Variants in CPEB1 observed in about 807,000 individuals in gnomAD.
CPEB1 encodes the protein cytoplasmic polyadenylation element binding protein 1, also known as cytoplasmic polyadenylation element-binding protein 1.
In CPEB1, 7 loss-of-function variants were observed where a neutral mutation model predicts 65.8. The ratio of observed to expected loss-of-function variants is 0.11; its 90% CI spans 0.06 to 0.20. The LOEUF is 0.20. CPEB1 is among the 10% of genes least tolerant of loss of function. The pLI, the probability that CPEB1 is intolerant of heterozygous loss-of-function variation, is 1.00. For synonymous variants in CPEB1, 262 were observed against 260.0 expected, an observed-to-expected ratio of 1.01 and a Z score of -0.08; for missense variants, 551 against 712.2, an observed-to-expected ratio of 0.77 and a Z score of 2.58.
At chr15:82,580,006 G>A (rs1001376332) in intron 3 of CPEB1, among the ~76,000 whole-genome samples, 2 of 138,534 alleles carry the variant, frequency 1.4e-5, no homozygotes, top group Non-Finnish European at 3.1e-5. Flanking sequence ...AGCGGGAGAA[G>A]TGGACTACAA....
chr15:82,619,527 T>C (rs1424247077), intron 3 of CPEB1, among the ~76,000 whole-genome samples: 2 of 152,212 alleles, frequency 1.3e-5, no homozygotes, highest in Non-Finnish European at 2.9e-5. Context: ...AAAATAATTT[T>C]AATACATATT....
At position 82,596,036 on chromosome 15, in the gene CPEB1, T is replaced by C. The variant is rs72751663; in HGVS notation, c.272-24504A>G. Among the ~76,000 whole-genome samples, 1,142 of 152,324 alleles carry C rather than the reference T, an allele frequency of 7.5e-3. 12 individuals are homozygous for C. Among genetic ancestry groups the C allele is most frequent in the Non-Finnish European group, 8.5e-3 (578 of 68,026 alleles). On this transcript the variant is annotated intron_variant, in intron 3 of 12. Transcript: ENST00000684509. ...AAAATCTGTACTGCAGATAATTCCA[T>C]AGAACACATGACCTACTTTTCTCAA... is the stretch of plus-strand genomic sequence containing the variant.
chr15:82,628,698 C>T (rs987041968), intron 1 of CPEB1, 142 bp from the exon 2 acceptor site: 25 of 479,650 alleles, frequency 5.2e-5, no homozygotes, highest in Non-Finnish European at 9.2e-5. Context: ...CCACATCCTT[C>T]CACCTTTGCC....
rs185756296 is a variant in CPEB1 at position 82,591,118 on chromosome 15, T to C, written c.272-19586A>G. Among the ~76,000 whole-genome samples the C allele has an allele frequency of 5.8e-4, 89 of 152,344 alleles. 1 individual carries two copies. The highest frequency in any genetic ancestry group is 1.6e-3 in the Admixed American group (24 of 15,294). ...CTATTTTCCACAATGGCTGAACTAA[T>C]TTACATTCCCACCAACAGTGTGTAA... is the stretch of plus-strand genomic sequence containing the variant. On this transcript the variant is annotated intron_variant, in intron 3 of 12. Coordinates refer to ENST00000684509, the MANE Select transcript of CPEB1 (RefSeq NM_001365242.1).
At position 82,581,814 on chromosome 15, in the gene CPEB1, C is replaced by T. The variant is rs562382579; in HGVS notation, c.272-10282G>A. ...ATTGCCATCCAAGTGGTCCTAAAGACAATGGCATCTTCTTGCAGCATTCTA... is the reference window on the plus strand; with the variant it reads ...ATTGCCATCCAAGTGGTCCTAAAGATAATGGCATCTTCTTGCAGCATTCTA... On this transcript the variant is annotated intron_variant, in intron 3 of 12. Coordinates refer to ENST00000684509, the MANE Select transcript of CPEB1 (RefSeq NM_001365242.1). Among the ~76,000 whole-genome samples the T allele has an allele frequency of 3.7e-4, 57 of 152,284 alleles. No individual in the cohort carries two copies. The South Asian group carries it at 9.1e-3, about 24-fold the overall frequency.
At chr15:82,575,333 G>C (rs2040534352) in intron 3 of CPEB1, among the ~76,000 whole-genome samples, 1 of 152,166 alleles carries the variant, frequency 6.6e-6, no homozygotes, top group South Asian at 2.1e-4. Flanking sequence ...AGACGTAAAA[G>C]TGAAAGCTAA....
intron 4 of CPEB1, 26 bp from the exon 5 acceptor site, chr15:82,558,012 A>G (rs775036264): frequency 2.0e-6 from 3 of 1,488,736 alleles, no homozygotes; most frequent in Non-Finnish European, 2.7e-6. Context: ...AGGAAACCTC[A>G]TGACCTCTTA....
intron 4 of CPEB1, among the ~76,000 whole-genome samples, chr15:82,564,286 T>C (rs2038746850): frequency 6.9e-6 from 1 of 145,646 alleles, no homozygotes; most frequent in South Asian, 2.1e-4. Context: ...TTTTTGTTTT[T>C]TTGTTTTGTT....
chr15:82,582,061 A>G (rs1287635416), intron 3 of CPEB1, among the ~76,000 whole-genome samples: 2 of 152,218 alleles, frequency 1.3e-5, no homozygotes, highest in African/African-American at 2.4e-5. Context: ...ACCCTTTCTC[A>G]TAACTGGCAA....
intron 4 of CPEB1, among the ~76,000 whole-genome samples, chr15:82,568,400 A>G (rs1238396256): frequency 3.3e-5 from 5 of 152,150 alleles, no homozygotes; most frequent in African/African-American, 1.2e-4. Context: ...CTGGGGTATG[A>G]GAAAAACGCA....
intron 4 of CPEB1, among the ~76,000 whole-genome samples, chr15:82,561,160 A>T (rs1006862231): frequency 2.0e-5 from 3 of 152,228 alleles, no homozygotes; most frequent in African/African-American, 7.2e-5. Flanking sequence ...GGTCCAGAGT[A>T]TGGTAGAGGT....
chr15:82,546,907 A>G (rs1352890793), intron 11 of CPEB1, among the ~76,000 whole-genome samples: 1 of 152,216 alleles, frequency 6.6e-6, no homozygotes, highest in Non-Finnish European at 1.5e-5. Context: ...TACCACAGTG[A>G]GGGAAGGCAC....
At chr15:82,567,036 A>C in intron 4 of CPEB1, among the ~76,000 whole-genome samples, 1 of 152,168 alleles carries the variant, frequency 6.6e-6, no homozygotes, top group East Asian at 1.9e-4. Flanking sequence ...CATTCATTCA[A>C]AAAATATGTA....
At chr15:82,625,327 T>C (rs1377952428) in intron 3 of CPEB1, among the ~76,000 whole-genome samples, 1 of 152,118 alleles carries the variant, frequency 6.6e-6, no homozygotes, top group African/African-American at 2.4e-5. Context: ...CTTCTCTCAT[T>C]TGCCTTCCTG....
chr15:82,632,508 C>T (rs1486198126), intron 1 of CPEB1, among the ~76,000 whole-genome samples: 2 of 147,706 alleles, frequency 1.4e-5, no homozygotes, highest in African/African-American at 5.0e-5. Flanking sequence ...TGTGTATATT[C>T]ACACACACAC....
chr15:82,616,574 T>C (rs907643397), intron 3 of CPEB1, among the ~76,000 whole-genome samples: 18 of 150,950 alleles, frequency 1.2e-4, no homozygotes, highest in Non-Finnish European at 2.2e-4. Context: ...AGTTTCGTTC[T>C]TGTCATCGCC....
Position 82,569,010 on chromosome 15 carries a change from A to G in CPEB1, c.460+2334T>C, listed in dbSNP as rs114490762. On this transcript the variant is annotated intron_variant, in intron 4 of 12. Transcript: ENST00000684509. ...AGCTTGCATCTTGGTCTCTACACAG[A>G]GACAACAGTGTAACAGGGTATCTGC... Among the ~76,000 whole-genome samples, 1,391 of 152,336 alleles carry G rather than the reference A, an allele frequency of 9.1e-3. 23 individuals are homozygous for G. The highest frequency in any genetic ancestry group is 0.031 in the African/African-American group (1,299 of 41,568).
chr15:82,607,566 G>A (rs1184145931), intron 3 of CPEB1, among the ~76,000 whole-genome samples: 1 of 152,130 alleles, frequency 6.6e-6, no homozygotes, highest in Admixed American at 6.5e-5. Flanking sequence ...CAGCCTGGAT[G>A]ACAGAGCGAG....
At chr15:82,588,424 A>G (rs1268768079) in intron 3 of CPEB1, among the ~76,000 whole-genome samples, 2 of 152,232 alleles carry the variant, frequency 1.3e-5, no homozygotes, top group East Asian at 3.8e-4. Context: ...TTTAAAAAAT[A>G]TATGCACAAA....
Sources: gnomAD v4.1 joint callset for allele counts (sites outside exome capture counted in the v4.1 genomes callset) on GRCh38, gnomAD v4.1.1 for gene constraint, MANE v1.5 for transcripts, NCBI Gene and HGNC (gene_info 2026-07-23, HGNC 2026-07-21) for gene names.